Variants in ORC3 observed in about 807,000 individuals in gnomAD.
The protein encoded by ORC3 is origin recognition complex subunit 3.
Under a neutral mutation model 100.7 loss-of-function variants are expected in ORC3, and 78 were observed. That is an observed-to-expected ratio of 0.77 (90% CI 0.65 to 0.94). The LOEUF is 0.94. Among genes scored for constraint, ORC3 ranks in the 40% least tolerant of loss-of-function variants. The pLI is 0.00. For synonymous variants in ORC3, 295 were observed against 289.3 expected, an observed-to-expected ratio of 1.02 and a Z score of -0.20; for missense variants, 789 against 823.9, an observed-to-expected ratio of 0.96 and a Z score of 0.52.
chr6:87,629,758 T>C, intron 11 of ORC3, among the ~76,000 whole-genome samples: 1 of 152,000 alleles, frequency 6.6e-6, no homozygotes, highest in Non-Finnish European at 1.5e-5. Flanking sequence ...TGTATATACA[T>C]GTGTACCTAT....
intron 13 of ORC3, among the ~76,000 whole-genome samples, chr6:87,648,835 A>G (rs1769015690): frequency 6.6e-6 from 1 of 152,354 alleles, no homozygotes; most frequent in Non-Finnish European, 1.5e-5. Flanking sequence ...ATACATATTT[A>G]GATTGTTTCT....
At chr6:87,671,563 C>G (rs1329373953), downstream of ORC3, among the ~76,000 whole-genome samples, 1 of 142,422 alleles carries the variant, frequency 7.0e-6, no homozygotes, top group East Asian at 2.0e-4. Flanking sequence ...AGAGAGGAGG[C>G]AAGCAGCCCA....
chr6:87,592,390 G>A (rs1777096272), intron 1 of ORC3, among the ~76,000 whole-genome samples: 1 of 152,140 alleles, frequency 6.6e-6, no homozygotes, highest in South Asian at 2.1e-4. Context: ...CAACACTTTG[G>A]GAGGCCGAGG....
At chr6:87,668,961 C>T (rs1406365499), downstream of ORC3, among the ~76,000 whole-genome samples, 5 of 151,750 alleles carry the variant, frequency 3.3e-5, no homozygotes, top group East Asian at 1.9e-4. Context: ...CCAGCCTAGG[C>T]GACAGAGCGA....
At chr6:87,632,909 C>T (rs1308809750) in intron 11 of ORC3, among the ~76,000 whole-genome samples, 1 of 152,134 alleles carries the variant, frequency 6.6e-6, no homozygotes, top group African/African-American at 2.4e-5. Context: ...GAACTCTACT[C>T]AGCACAGGGA....
rs758714956 is a variant in ORC3, at chr6:87,603,369, G to A, written c.178-15G>A. The A allele has an allele frequency of 1.3e-5, 18 of 1,369,410 alleles. No homozygotes were observed. Among genetic ancestry groups the A allele is most frequent in the Middle Eastern group, 2.6e-4 (1 of 3,828 alleles). 84.8% of individuals were successfully genotyped at this position (1,369,410 alleles called of 1,614,324 possible). On this transcript the variant is annotated splice_polypyrimidine_tract_variant and intron_variant, in intron 3 of 19. Transcript: ENST00000392844. ...TTATTTCTAATAATAATAAGTTTTT[G>A]TGTGTTCTTTGTAGCGACTACAAGA...
chr6:87,619,804 A>G (rs1779408496), intron 9 of ORC3, among the ~76,000 whole-genome samples: 1 of 152,178 alleles, frequency 6.6e-6, no homozygotes, highest in Non-Finnish European at 1.5e-5. Flanking sequence ...CTAACAAGTG[A>G]CAGCATCTTT....
rs774634249 is a variant in ORC3, at chr6:87,657,923, C to T, written c.1596C>T (p.Ser532=). 6.6e-7 allele frequency: 1 copy of T among 1,514,106 alleles called. No individual in the cohort carries two copies. Among genetic ancestry groups the T allele is most frequent in the Admixed American group, 1.7e-5 (1 of 59,848 alleles). 93.8% of individuals were successfully genotyped at this position (1,514,106 alleles called of 1,614,324 possible). The part of the protein sequence containing the change: ...QKTDLYHLQK[S]LLEMKELRRS... ...AAGCTATGTTCTTTTATCTATAGTC[C>T]TTATTGGAAATGAAGGAGTTAAGAA... The change falls in exon 16 of 20, where the codon TCC becomes TCT. Residue 532 remains serine (S), a splice_region_variant and synonymous_variant. Coordinates refer to ENST00000392844, the MANE Select transcript of ORC3 (RefSeq NM_012381.4).
At chr6:87,593,112 CA>C (rs1009201799) in intron 1 of ORC3, among the ~76,000 whole-genome samples, 1 of 150,576 alleles carries the variant, frequency 6.6e-6, no homozygotes, top group African/African-American at 2.4e-5. Flanking sequence ...AACAAACAAA[CA>C]AAAAAAAACT....
chr6:87,662,429 T>A (rs1770257413), intron 16 of ORC3, among the ~76,000 whole-genome samples: 1 of 151,924 alleles, frequency 6.6e-6, no homozygotes, highest in African/African-American at 2.4e-5. Flanking sequence ...TGAAACTCCG[T>A]CTCAAAAAAA....
intron 2 of ORC3, among the ~76,000 whole-genome samples, chr6:87,599,180 C>T (rs774531005): frequency 6.6e-6 from 1 of 152,044 alleles, no homozygotes; most frequent in Non-Finnish European, 1.5e-5. Flanking sequence ...TGCTGTGTTT[C>T]CCAGTTTCTA....
Position 87,656,926 on chromosome 6 carries a change from G to C in ORC3, c.1537G>C (p.Ala513Pro), listed in dbSNP as rs369225174. The change falls in exon 15 of 20, where the codon GCT becomes CCT. Residue 513 changes from alanine (A) to proline (P), a missense_variant. Physicochemically the swap from Ala to Pro is conservative, Grantham distance 27. Around this residue, in one of 3 missense-constraint regions of ORC3, gnomAD observed 366 missense variants for 394.2 expected, o/e 0.93. Coordinates refer to ENST00000392844, the MANE Select transcript of ORC3 (RefSeq NM_012381.4). ...AGCAGAAACCAAAGAGGAAGAAGATGCTTCTGGGTCACAGCCAAAGGGGCT... is the reference window on the plus strand; with the variant it reads ...AGCAGAAACCAAAGAGGAAGAAGATCCTTCTGGGTCACAGCCAAAGGGGCT... ...SLDETKEEEDASGSQPKGLQK... is the reference protein window; with the variant it reads ...SLDETKEEEDPSGSQPKGLQK... 5 of 1,612,712 alleles carry C rather than the reference G, an allele frequency of 3.1e-6. No individual in the cohort carries two copies. In the African/African-American group the frequency reaches 6.7e-5, roughly 22 times the overall value.
Position 87,644,079 on chromosome 6 carries a change from C to CTTTTTTTTTTTTTTTTTTTTTTTTTTT in ORC3, c.1382+7598_1382+7624dup, listed in dbSNP as rs1156943778. Among the ~76,000 whole-genome samples the CTTTTTTTTTTTTTTTTTTTTTTTTTTT allele has an allele frequency of 1.4e-4, 7 of 51,424 alleles. 2 individuals carry two copies. The highest frequency in any genetic ancestry group is 2.7e-4 in the Admixed American group (1 of 3,690). The allele number at this position is 51,424 out of a possible 152,430, so 33.7% of individuals were successfully genotyped here. A position where few individuals can be genotyped will look rare whatever the true frequency, so the allele number is the denominator to read the frequency against. On this transcript the variant is annotated intron_variant, in intron 13 of 19. Transcript: ENST00000392844. Reference sequence around the variant, plus strand: ...CCACAGATACAGATGGCTGACTGTCCTTTTTTTTTTTTTTTTTTTTTTTTT... The same window carrying CTTTTTTTTTTTTTTTTTTTTTTTTTTT: ...CCACAGATACAGATGGCTGACTGTCCTTTTTTTTTTTTTTTTTTTTTTTTTTTTTTTTTTTTTTTTTTTTTTTTTTTT...
intron 2 of ORC3, 164 bp downstream of exon 2, chr6:87,594,571 C>T: frequency 7.8e-7 from 1 of 1,278,548 alleles, no homozygotes; most frequent in East Asian, 2.8e-5. Context: ...GAGGACACCC[C>T]AGGGCTCTAA....
intron 9 of ORC3, among the ~76,000 whole-genome samples, chr6:87,617,856 C>T (rs1303178492): frequency 6.6e-6 from 1 of 152,088 alleles, no homozygotes; most frequent in Non-Finnish European, 1.5e-5. Flanking sequence ...TAAATTATTT[C>T]TCATGTTTCC....
chr6:87,639,283 A>G lies in ORC3; in HGVS notation c.1382+2797A>G, dbSNP rs529662362. 2.6e-5 allele frequency among the ~76,000 whole-genome samples: 4 copies of G among 152,310 alleles called. No homozygotes were observed. The East Asian group carries it at 7.7e-4, about 29-fold the overall frequency. On this transcript the variant is annotated intron_variant, in intron 13 of 19. Transcript: ENST00000392844. ...TGAGATCCAGCCCATTCAGGTTAGT[A>G]TGGCTGTAGACATCCCTCTACCCCT...
At chr6:87,662,147 G>A (rs867597468) in intron 16 of ORC3, among the ~76,000 whole-genome samples, 3 of 152,088 alleles carry the variant, frequency 2.0e-5, no homozygotes, top group Non-Finnish European at 4.4e-5. Flanking sequence ...CTTTTGGGCC[G>A]GGTGCGGTGG....
chr6:87,619,208 T>C (rs946129283), intron 9 of ORC3, among the ~76,000 whole-genome samples: 1 of 152,080 alleles, frequency 6.6e-6, no homozygotes, highest in African/African-American at 2.4e-5. Flanking sequence ...GAAAAAGAGA[T>C]TCAGGAAATA....
chr6:87,616,355 A>T lies in ORC3; in HGVS notation c.915A>T (p.Lys305Asn), dbSNP rs773416807. The T allele has an allele frequency of 1.9e-6, 3 of 1,539,410 alleles. No individual in the cohort carries two copies. The highest frequency in any genetic ancestry group is 1.8e-6 in the Non-Finnish European group (2 of 1,112,970). The change falls in exon 9 of 20, where the codon AAA (lysine) becomes AAT (asparagine). Residue 305 changes from lysine (K) to asparagine (N), a missense_variant. Lys to Asn is a moderately conservative substitution (Grantham distance 94, BLOSUM62 0). This residue lies in a region of ORC3 where 399 missense variants were observed against 382.0 expected (regional missense o/e 1.04). Transcript: ENST00000392844. ...AGTTTCCCTTTAAAATAAATGAAAA[A>T]GTATTACAGGTTCTGACCAACATCT... ...TTQFPFKINE[K>N]VLQVLTNIFL...
Sources: gnomAD v4.1 joint callset for allele counts (sites outside exome capture counted in the v4.1 genomes callset) on GRCh38, gnomAD v4.1.1 for gene constraint, gnomAD v4.1.1 regional missense constraint, MANE v1.5 for transcripts, NCBI Gene and HGNC (gene_info 2026-07-23, HGNC 2026-07-21) for gene names.